The following PCDHGA2 variants were observed in gnomAD, a reference collection of about 807,000 sequenced individuals.
PCDHGA2 encodes the protein protocadherin gamma subfamily A, 2.
PCDHGA2 carries 40 observed loss-of-function variants against 59.2 expected under a neutral mutation model. That is an observed-to-expected ratio of 0.68 (90% CI 0.52 to 0.88). The LOEUF (loss-of-function observed/expected upper bound fraction) is 0.88. Ranked by LOEUF, PCDHGA2 falls within the 40% of genes least tolerant of loss-of-function variation. The probability of loss-of-function intolerance (pLI) is 0.00; values close to 1 mark genes in which losing one functional copy is unlikely to be tolerated. For missense variants in PCDHGA2, 1,226 were observed against 1,204.0 expected, an observed-to-expected ratio of 1.02 and a Z score of -0.27; for synonymous variants, 560 against 526.0, an observed-to-expected ratio of 1.06 and a Z score of -0.89.
rs1319222603 is a variant in PCDHGA2 at position 141,438,686 on chromosome 5, A to G, written c.2425-56121A>G. Among the ~76,000 whole-genome samples the G allele has an allele frequency of 2.8e-5, 4 of 140,922 alleles. No homozygotes were observed. The Admixed American group carries it at 2.9e-4, about 10-fold the overall frequency. 92.5% of individuals were successfully genotyped at this position (140,922 alleles called of 152,430 possible). On this transcript the variant is annotated intron_variant, in intron 1 of 3. Transcript: ENST00000394576. ...TATATATATTTGGAGTAGGGGATGGAGTCTTGCTCTGTCACCCAGGCTGGA... is the reference window on the plus strand; with the variant it reads ...TATATATATTTGGAGTAGGGGATGGGGTCTTGCTCTGTCACCCAGGCTGGA...
rs1254925291 is a variant in PCDHGA2, at chr5:141,341,349, C to T, written c.2378C>T (p.Ala793Val). The change falls in exon 1 of 4, where the codon GCG (alanine) becomes GTG (valine). Residue 793 changes from alanine (A) to valine (V), a missense_variant. Ala to Val is a moderately conservative substitution (Grantham distance 64). Transcript: ENST00000394576. ...TGTGAGAAAAAGGATTTTTTATCAG[C>T]GCCTCAATCTCTACTCGAAGAAGAA... ...ESCEKKDFLS[A>V]PQSLLEEERE... 1.2e-6 allele frequency: 2 copies of T among 1,614,204 alleles called. No homozygotes were observed. The highest frequency in any genetic ancestry group is 1.1e-5 in the South Asian group (1 of 91,084).
chr5:141,431,450 A>T lies in PCDHGA2; in HGVS notation c.2425-63357A>T, dbSNP rs1468567743. 1 of 1,613,740 alleles carries T rather than the reference A, an allele frequency of 6.2e-7. No homozygotes were observed. Among genetic ancestry groups the T allele is most frequent in the Admixed American group, 1.7e-5 (1 of 60,032 alleles). ...CACAGGCACCGCGCGCATCCGCGTG[A>T]TGGTTCTGGATGCGAACGACAACGC... On this transcript the variant is annotated intron_variant, in intron 1 of 3. Transcript: ENST00000394576. This position sits in a 1 kb window ranked among gnomAD's most constrained non-coding sequence, Gnocchi z 4.8.
At chr5:141,384,236 A>T in intron 1 of PCDHGA2, 1 of 1,613,886 alleles carries the variant, frequency 6.2e-7, no homozygotes, top group Non-Finnish European at 8.5e-7. Context: ...GCAGACACCA[A>T]CGATAACCCA....
At chr5:141,499,730 T>C (rs1412528402) in intron 2 of PCDHGA2, among the ~76,000 whole-genome samples, 1 of 143,912 alleles carries the variant, frequency 6.9e-6, no homozygotes, top group East Asian at 2.1e-4. Context: ...AGTCTCACTC[T>C]CTTGCCCAGG....
At chr5:141,501,312 C>T (rs2099807672) in intron 2 of PCDHGA2, among the ~76,000 whole-genome samples, 1 of 151,778 alleles carries the variant, frequency 6.6e-6, no homozygotes, top group South Asian at 2.1e-4. Context: ...CACACACACA[C>T]ACACACACAC....
intron 1 of PCDHGA2, among the ~76,000 whole-genome samples, chr5:141,454,831 A>C (rs1489772379): frequency 1.3e-5 from 1 of 78,366 alleles, no homozygotes; most frequent in African/African-American, 6.7e-5. Context: ...TTTTTGAGAC[A>C]GAGTCGCGCT....
Position 141,431,388 on chromosome 5 carries a change from T to G in PCDHGA2, c.2425-63419T>G. 1 of 1,613,920 alleles carries G rather than the reference T, an allele frequency of 6.2e-7. No individual in the cohort carries two copies. The highest frequency in any genetic ancestry group is 8.5e-7 in the Non-Finnish European group (1 of 1,180,038). ...CGCGAAGAAAAGGCTGCTCACCACC[T>G]GGTCCTTACGGCCTCCGACGGGGGC... On this transcript the variant is annotated intron_variant, in intron 1 of 3. Transcript: ENST00000394576. The surrounding 1 kb of genome is among the most constrained non-coding windows in gnomAD (Gnocchi z 4.8).
At chr5:141,350,834 C>G in intron 1 of PCDHGA2, 2 of 1,614,054 alleles carry the variant, frequency 1.2e-6, no homozygotes, top group Non-Finnish European at 1.7e-6. Context: ...TCCGGTATTA[C>G]TGCTGGAAAA....
intron 1 of PCDHGA2, chr5:141,478,196 C>T: frequency 6.2e-7 from 1 of 1,614,068 alleles, no homozygotes; most frequent in Middle Eastern, 1.6e-4. Context: ...CACCTTTTAT[C>T]TACTTCTTTC....
At chr5:141,436,425 G>A (rs2097823674) in intron 1 of PCDHGA2, among the ~76,000 whole-genome samples, 2 of 152,268 alleles carry the variant, frequency 1.3e-5, no homozygotes, top group Non-Finnish European at 2.9e-5. Context: ...AACAAATAAT[G>A]TACTCTGGGG....
intron 1 of PCDHGA2, among the ~76,000 whole-genome samples, chr5:141,461,881 T>C (rs2099025428): frequency 6.6e-6 from 1 of 152,060 alleles, no homozygotes. Flanking sequence ...TGGAGTGCAA[T>C]GGCACGATCT....
intron 1 of PCDHGA2, chr5:141,413,929 CGAGTGAGTGTTCCT>C: frequency 6.2e-7 from 1 of 1,613,342 alleles, no homozygotes; most frequent in Non-Finnish European, 8.5e-7. Flanking sequence ...GCCAGAATAC[CGAGTGAGTGTTCCT>C]GAGAATTTGC....
At chr5:141,509,040 C>G (rs1217864661) in intron 3 of PCDHGA2, among the ~76,000 whole-genome samples, 1 of 152,132 alleles carries the variant, frequency 6.6e-6, no homozygotes, top group Non-Finnish European at 1.5e-5. Context: ...CAACCCCTCT[C>G]CCCCGCCCCC....
In PCDHGA2 at chr5:141,418,344, T is replaced by C. The variant is rs746519142; in HGVS notation, c.2425-76463T>C. On this transcript the variant is annotated intron_variant, in intron 1 of 3. Transcript: ENST00000394576. ...CTTGAGTCTGCAGAAGATCCTGATA[T>C]TAGTATGAATTCGCTGAGCAAATAC... 4.3e-6 allele frequency: 7 copies of C among 1,613,890 alleles called. No individual in the cohort carries two copies. The highest frequency in any genetic ancestry group is 2.2e-5 in the South Asian group (2 of 91,086).
rs758417744 is a variant in PCDHGA2, at chr5:141,430,916, G to A, written c.2425-63891G>A. On this transcript the variant is annotated intron_variant, in intron 1 of 3. Coordinates refer to ENST00000394576, the MANE Select transcript of PCDHGA2 (RefSeq NM_018915.4). ...GGTGGGCGACATCTCCAGGGACCTG[G>A]GGCTGGAGCCCCGGGAGCTCGCGGA... The A allele has an allele frequency of 1.9e-6, 3 of 1,607,878 alleles. No individual in the cohort carries two copies. The East Asian group carries it at 6.7e-5, about 36-fold the overall frequency.
chr5:141,485,539 G>C lies in PCDHGA2; in HGVS notation c.2425-9268G>C, dbSNP rs370323886. The C allele has an allele frequency of 9.9e-6, 16 of 1,613,986 alleles. No homozygotes were observed. In the African/African-American group the frequency reaches 2.0e-4, roughly 20 times the overall value. On this transcript the variant is annotated intron_variant, in intron 1 of 3. Transcript: ENST00000394576. This position sits in a 1 kb window ranked among gnomAD's most constrained non-coding sequence, Gnocchi z 5.7. ...TGGAAATGTACCGAGCAGAGGTAGA[G>C]ATCGTAGATGTGAATGATCACGCCC... is the stretch of plus-strand genomic sequence containing the variant.
intron 1 of PCDHGA2, among the ~76,000 whole-genome samples, chr5:141,348,766 G>A (rs1267863177): frequency 6.6e-6 from 1 of 152,232 alleles, no homozygotes; most frequent in Non-Finnish European, 1.5e-5. Context: ...ATAAAGGCAT[G>A]ATGCAAGGAA....
At chr5:141,361,662 G>A (rs377204571) in intron 1 of PCDHGA2, 3 of 1,613,714 alleles carry the variant, frequency 1.9e-6, no homozygotes, top group Non-Finnish European at 2.5e-6. Context: ...CCGTGAGCGC[G>A]CAGAGCGGGG....
intron 1 of PCDHGA2, chr5:141,415,268 T>C: frequency 6.2e-7 from 1 of 1,614,174 alleles, no homozygotes; most frequent in Non-Finnish European, 8.5e-7. Flanking sequence ...CTGTACCTGG[T>C]GGTAGCGGTG....
Sources: gnomAD v4.1 joint callset for allele counts (sites outside exome capture counted in the v4.1 genomes callset) on GRCh38, gnomAD v4.1.1 for gene constraint, Gnocchi (gnomAD v3.1) non-coding constraint, MANE v1.5 for transcripts, NCBI Gene and HGNC (gene_info 2026-07-23, HGNC 2026-07-21) for gene names.